Variants in SUGCT observed in about 807,000 individuals in gnomAD.
SUGCT encodes succinyl-CoA:glutarate CoA-transferase.
A neutral mutation model predicts 55.0 loss-of-function variants in SUGCT; 41 were observed. The observed-to-expected ratio is 0.74, with a 90% CI of 0.58 to 0.97. The LOEUF is 0.97. Among genes scored for constraint, SUGCT ranks in the 50% least tolerant of loss-of-function variants. The pLI is 0.00. For synonymous variants in SUGCT, 187 were observed against 200.4 expected, an observed-to-expected ratio of 0.93 and a Z score of 0.56; for missense variants, 568 against 547.8, an observed-to-expected ratio of 1.04 and a Z score of -0.37.
intron 13 of SUGCT, among the ~76,000 whole-genome samples, chr7:40,801,477 C>T (rs1790813261): frequency 1.3e-5 from 2 of 152,024 alleles, no homozygotes; most frequent in African/African-American, 4.8e-5. Flanking sequence ...GTGGATGTAT[C>T]TTGGTAAGAA....
chr7:40,698,914 A>G (rs1479510690), intron 12 of SUGCT, among the ~76,000 whole-genome samples: 3 of 152,218 alleles, frequency 2.0e-5, no homozygotes, highest in African/African-American at 7.2e-5. Context: ...CTTTCGGGCT[A>G]TACCAGAAAT....
At chr7:40,461,938 C>G (rs1789826394) in intron 11 of SUGCT, among the ~76,000 whole-genome samples, 1 of 152,158 alleles carries the variant, frequency 6.6e-6, no homozygotes, top group Non-Finnish European at 1.5e-5. Flanking sequence ...AAGGCTACAC[C>G]TTTTTCATCT....
intron 13 of SUGCT, among the ~76,000 whole-genome samples, chr7:40,819,716 C>A (rs1334765521): frequency 6.6e-6 from 1 of 152,136 alleles, no homozygotes; most frequent in African/African-American, 2.4e-5. Context: ...GTTGCCTGTT[C>A]ACTCTGATGG....
intron 9 of SUGCT, among the ~76,000 whole-genome samples, chr7:40,442,072 A>G (rs529709714): frequency 1.3e-5 from 2 of 152,252 alleles, no homozygotes; most frequent in African/African-American, 4.8e-5. Context: ...GATGTTATCT[A>G]TAGGAGCACT....
At chr7:40,590,154 T>C (rs1797633154) in intron 12 of SUGCT, among the ~76,000 whole-genome samples, 1 of 152,222 alleles carries the variant, frequency 6.6e-6, no homozygotes, top group Non-Finnish European at 1.5e-5. Flanking sequence ...TGAACTGCAC[T>C]CCTAGAAGAT....
chr7:40,983,190 T>C, the SUGCT span, among the ~76,000 whole-genome samples: 1 of 152,188 alleles, frequency 6.6e-6, no homozygotes, highest in African/African-American at 2.4e-5. Context: ...TTGTAGATCA[T>C]GTTCCTTCAG....
the SUGCT span, among the ~76,000 whole-genome samples, chr7:40,947,500 C>CTTT: frequency 6.9e-6 from 1 of 145,946 alleles, no homozygotes. Flanking sequence ...TACTTTCTCT[C>CTTT]TTTTTTTTTT....
chr7:40,927,803 G>T, the SUGCT span, among the ~76,000 whole-genome samples: 1 of 152,150 alleles, frequency 6.6e-6, no homozygotes. Flanking sequence ...TTCAAAATTT[G>T]TGAGAAGTTA....
At chr7:40,147,178 A>G (rs549837950) in intron 1 of SUGCT, among the ~76,000 whole-genome samples, 26 of 151,586 alleles carry the variant, frequency 1.7e-4, no homozygotes, top group Non-Finnish European at 3.4e-4. Flanking sequence ...TAGGGGAGGG[A>G]CCAGCAGGAG....
chr7:40,513,783 A>ATTTTTTT (rs869065628), intron 12 of SUGCT, among the ~76,000 whole-genome samples: 28 of 103,976 alleles, frequency 2.7e-4, no homozygotes, highest in African/African-American at 6.8e-4. Context: ...TCAGGGAAGT[A>ATTTTTTT]TTTTTTTTTT....
chr7:40,448,660 A>G (rs1016816374), intron 9 of SUGCT, among the ~76,000 whole-genome samples: 6 of 152,126 alleles, frequency 3.9e-5, no homozygotes, highest in African/African-American at 1.2e-4. Flanking sequence ...TGCCTGGGCA[A>G]CATAGTGAGA....
chr7:40,575,125 T>TGG (rs1491375845), intron 12 of SUGCT, among the ~76,000 whole-genome samples: 1 of 136,960 alleles, frequency 7.3e-6, no homozygotes, highest in African/African-American at 3.2e-5. Flanking sequence ...GTGGCGGGGG[T>TGG]GGGGGTGGAG....
the SUGCT span, among the ~76,000 whole-genome samples, chr7:40,909,957 A>C: frequency 6.6e-6 from 1 of 152,060 alleles, no homozygotes; most frequent in Non-Finnish European, 1.5e-5. Flanking sequence ...TGACTTCTTG[A>C]CTTGGGGTTC....
chr7:40,888,729 A>G, the SUGCT span, among the ~76,000 whole-genome samples: 2 of 152,212 alleles, frequency 1.3e-5, no homozygotes, highest in Non-Finnish European at 2.9e-5. Flanking sequence ...ATGGCAGACC[A>G]CAGATAGGTA....
intron 12 of SUGCT, among the ~76,000 whole-genome samples, chr7:40,671,514 A>C (rs1801939967): frequency 6.6e-6 from 1 of 152,210 alleles, no homozygotes; most frequent in African/African-American, 2.4e-5. Flanking sequence ...GAGTTCAACA[A>C]GTTAGGGGGT....
chr7:40,500,542 C>T (rs1268365644), intron 12 of SUGCT, among the ~76,000 whole-genome samples: 1 of 152,120 alleles, frequency 6.6e-6, no homozygotes, highest in Non-Finnish European at 1.5e-5. Context: ...AAACCTTATT[C>T]TTCCTGTCCC....
intron 6 of SUGCT, among the ~76,000 whole-genome samples, chr7:40,202,963 G>C (rs1346777306): frequency 6.6e-6 from 1 of 152,158 alleles, no homozygotes. Context: ...AGCCGATGTA[G>C]CCATAACCCC....
chr7:40,371,721 ATTGTC>A (rs1451778450), intron 9 of SUGCT, among the ~76,000 whole-genome samples: 1 of 106,402 alleles, frequency 9.4e-6, no homozygotes, highest in Non-Finnish European at 2.1e-5. Context: ...TTGTTTCCTT[ATTGTC>A]TTAATTGTCA....
chr7:40,309,767 G>A (rs1212547291), intron 8 of SUGCT, among the ~76,000 whole-genome samples: 1 of 116,480 alleles, frequency 8.6e-6, no homozygotes, highest in African/African-American at 2.9e-5. Context: ...GTAAGGGAGT[G>A]CTAAAAACAA....
Sources: gnomAD v4.1 joint callset for allele counts (sites outside exome capture counted in the v4.1 genomes callset) on GRCh38, gnomAD v4.1.1 for gene constraint, MANE v1.5 for transcripts, NCBI Gene and HGNC (gene_info 2026-07-23, HGNC 2026-07-21) for gene names.